TERF1: variants seen among roughly 807,000 people sequenced by gnomAD.
TERF1 encodes the protein telomeric repeat binding factor 1, also known as telomeric repeat-binding factor 1.
In TERF1, 20 loss-of-function variants were observed where a neutral mutation model predicts 55.1. That is an observed-to-expected ratio of 0.36 (90% confidence interval 0.26 to 0.53). The LOEUF (loss-of-function observed/expected upper bound fraction) is 0.53, where lower values mean the gene tolerates loss of function less well. Ranked by LOEUF, TERF1 falls within the 20% of genes least tolerant of loss-of-function variation. The pLI, the probability that TERF1 is intolerant of heterozygous loss-of-function variation, is 0.91. For synonymous variants in TERF1, 168 were observed against 181.2 expected, an observed-to-expected ratio of 0.93 and a Z score of 0.59; for missense variants, 439 against 535.7, an observed-to-expected ratio of 0.82 and a Z score of 1.78.
chr8:73,047,624 T>TA lies in TERF1; in HGVS notation c.*1493dup, dbSNP rs2129947948. On this transcript the variant is annotated 3_prime_UTR_variant, in exon 10 of 10. Transcript: ENST00000276603. ...ATATTGGAATATTGAAGTATTTGCA[T>TA]AAAAAATCAAATGGTGGTGTTTTGT... 6.6e-6 allele frequency: 1 copy of TA among 152,362 alleles called. No individual in the cohort carries two copies. The highest frequency in any genetic ancestry group is 2.4e-5 in the African/African-American group (1 of 41,590). The allele number at this position is 152,362 out of a possible 1,614,324, so 9.4% of individuals were successfully genotyped here. A position where few individuals can be genotyped will look rare whatever the true frequency, so the allele number is the denominator to read the frequency against.
chr8:73,035,572 G>T (rs1457381046), intron 8 of TERF1, among the ~76,000 whole-genome samples: 3 of 151,816 alleles, frequency 2.0e-5, no homozygotes, highest in African/African-American at 7.3e-5. Context: ...TGCTGTTCAG[G>T]TATTCTATAT....
chr8:73,044,056 G>A (rs925873512), intron 9 of TERF1, among the ~76,000 whole-genome samples: 4 of 152,086 alleles, frequency 2.6e-5, no homozygotes, highest in African/African-American at 9.7e-5. Context: ...ACCCACTGTT[G>A]AAGTGCTTTT....
At chr8:73,038,694 G>A (rs922235041) in intron 8 of TERF1, 3 of 833,184 alleles carry the variant, frequency 3.6e-6, no homozygotes, top group Admixed American at 6.2e-5. Flanking sequence ...TTACAGTTCT[G>A]TTTCTTTTCA....
intron 4 of TERF1, among the ~76,000 whole-genome samples, chr8:73,022,774 C>T (rs1476873828): frequency 6.6e-6 from 1 of 152,028 alleles, no homozygotes; most frequent in Non-Finnish European, 1.5e-5. Flanking sequence ...CAGCGAGACC[C>T]TGTTCTCTAC....
intron 2 of TERF1, among the ~76,000 whole-genome samples, chr8:73,019,718 C>T (rs1338543481): frequency 6.6e-6 from 1 of 152,154 alleles, no homozygotes; most frequent in Admixed American, 6.6e-5. Flanking sequence ...ACATCAAACT[C>T]CTCCTCAGGA....
At chr8:73,037,394 A>G (rs1223566678) in intron 8 of TERF1, among the ~76,000 whole-genome samples, 1 of 117,738 alleles carries the variant, frequency 8.5e-6, no homozygotes, top group African/African-American at 3.1e-5. Flanking sequence ...GGAATAAAAT[A>G]TTTGGGGGGA....
Position 73,045,944 on chromosome 8 carries a change from T to A in TERF1, c.1144-17T>A. On this transcript the variant is annotated splice_polypyrimidine_tract_variant and intron_variant, in intron 9 of 9. Coordinates refer to ENST00000276603, the MANE Select transcript of TERF1 (RefSeq NM_017489.3). ...ATAATTGTTTCTGTAAATAACTGTT[T>A]TACTTTTTATCAAAAGGCATGGCTT... The A allele has an allele frequency of 6.6e-7, 1 of 1,514,184 alleles. No individual in the cohort carries two copies. Among genetic ancestry groups the A allele is most frequent in the Non-Finnish European group, 8.8e-7 (1 of 1,134,036 alleles). 93.8% of individuals were successfully genotyped at this position (1,514,184 alleles called of 1,614,324 possible).
intron 8 of TERF1, among the ~76,000 whole-genome samples, chr8:73,034,151 A>G (rs1809414416): frequency 6.7e-6 from 1 of 150,102 alleles, no homozygotes. Context: ...GTTTGTTTTG[A>G]GATGGGGTCT....
At chr8:73,020,184 CTAAT>C (rs1808690055) in intron 2 of TERF1, among the ~76,000 whole-genome samples, 1 of 152,158 alleles carries the variant, frequency 6.6e-6, no homozygotes, top group African/African-American at 2.4e-5. Context: ...GTGTAATTTG[CTAAT>C]TAGTTATCAG....
chr8:73,041,119 C>G (rs931896536), intron 9 of TERF1, among the ~76,000 whole-genome samples: 4 of 152,122 alleles, frequency 2.6e-5, no homozygotes, highest in African/African-American at 9.7e-5. Context: ...CTTGCTTTGT[C>G]TCTTCAGACT....
chr8:73,010,086 G>A (rs914982719), intron 1 of TERF1: 2 of 152,184 alleles, frequency 1.3e-5, no homozygotes, highest in Non-Finnish European at 2.9e-5. Flanking sequence ...AAAAACAACA[G>A]AAAGATGTTC....
chr8:73,041,577 T>G (rs1375094530), intron 9 of TERF1, among the ~76,000 whole-genome samples: 3 of 152,202 alleles, frequency 2.0e-5, no homozygotes, highest in Non-Finnish European at 4.4e-5. Flanking sequence ...CACAGGTAAG[T>G]TAGGTTCTGG....
chr8:73,037,627 T>C (rs1226899490), intron 8 of TERF1, among the ~76,000 whole-genome samples: 1 of 102,122 alleles, frequency 9.8e-6, no homozygotes, highest in Non-Finnish European at 1.8e-5. Flanking sequence ...TATTATATAT[T>C]ATATATAACA....
intron 5 of TERF1, 77 bp downstream of exon 5, chr8:73,025,048 A>ATC: frequency 1.1e-6 from 1 of 904,148 alleles, no homozygotes; most frequent in African/African-American, 1.7e-5. Flanking sequence ...TTGAAATAGA[A>ATC]ATCCTTTAAA....
At chr8:73,020,538 T>C (rs1808706422) in intron 2 of TERF1, 146 bp from the exon 3 acceptor site, 1 of 522,646 alleles carries the variant, frequency 1.9e-6, no homozygotes, top group South Asian at 9.7e-5. Context: ...ACTTAGAAAA[T>C]AAAATCACTT....
In TERF1 at chr8:73,020,794, AT is replaced by A; in HGVS notation, c.528del (p.Ile178PhefsTer4). 7.1e-7 allele frequency: 1 copy of A among 1,409,900 alleles called. No homozygotes were observed. The allele number at this position is 1,409,900 out of a possible 1,614,324, so 87.3% of individuals were successfully genotyped here. A position where few individuals can be genotyped will look rare whatever the true frequency, so the allele number is the denominator to read the frequency against. ...ACTTCATGAAGAAATACAGAATTTA[AT>A]TAAAATTCAGGTATGAATAAATTAC... ...DKLHEEIQNL[I>X]KIQAIAVCME... On this transcript the variant is annotated frameshift_variant, in exon 3 of 10. Transcript: ENST00000276603. LOFTEE classifies it high-confidence loss of function.
intron 6 of TERF1, among the ~76,000 whole-genome samples, chr8:73,029,491 C>T (rs968679859): frequency 6.6e-6 from 1 of 151,932 alleles, no homozygotes; most frequent in African/African-American, 2.4e-5. Flanking sequence ...TGGTGCATGC[C>T]TGTAGTGCCA....
At chr8:73,026,154 GAACCAC>G (rs1808985083) in intron 5 of TERF1, among the ~76,000 whole-genome samples, 1 of 151,316 alleles carries the variant, frequency 6.6e-6, no homozygotes. Context: ...AGCTGAGATT[GAACCAC>G]TGCACTCCAG....
intron 8 of TERF1, among the ~76,000 whole-genome samples, chr8:73,038,459 T>TA (rs574286313): frequency 2.4e-4 from 35 of 146,598 alleles, no homozygotes; most frequent in East Asian, 9.9e-4. Flanking sequence ...CCCTATCTCT[T>TA]AAAAAAAAAA....
Sources: gnomAD v4.1 joint callset for allele counts (sites outside exome capture counted in the v4.1 genomes callset) on GRCh38, gnomAD v4.1.1 for gene constraint, MANE v1.5 for transcripts, NCBI Gene and HGNC (gene_info 2026-07-23, HGNC 2026-07-21) for gene names.